The following RMP64 variants were observed in gnomAD, a reference collection of about 807,000 sequenced individuals.
The protein encoded by RMP64 is nucleolus and neural progenitor protein.
At chr3:113,015,227 A>T in the RMP64 span, among the ~76,000 whole-genome samples, 98 of 152,134 alleles carry the variant, frequency 6.4e-4, no homozygotes, top group South Asian at 0.013. Flanking sequence ...TACTTTTTTT[A>T]AAAAAAATTA....
chr3:113,011,182 A>C, the RMP64 span: 1 of 1,613,468 alleles, frequency 6.2e-7, no homozygotes, highest in African/African-American at 1.3e-5. Context: ...ATTTATTAAA[A>C]ACAGTTTATT....
chr3:113,004,685 C>T, the RMP64 span: 3 of 152,226 alleles, frequency 2.0e-5, no homozygotes, highest in South Asian at 6.2e-4. Flanking sequence ...CTCAGAGCAA[C>T]AGTACGAGCA....
chr3:113,011,295 G>A, the RMP64 span: 1 of 1,613,630 alleles, frequency 6.2e-7, no homozygotes, highest in Non-Finnish European at 8.5e-7. Context: ...CAGAAGGAAA[G>A]GTAAAATCTT....
At chr3:113,010,893 G>GT in the RMP64 span, 2 of 831,360 alleles carry the variant, frequency 2.4e-6, no homozygotes, top group South Asian at 3.7e-5. Context: ...GAAAGCACAG[G>GT]TATTACCATA....
the RMP64 span, chr3:113,010,414 T>C: frequency 5.9e-6 from 3 of 506,914 alleles, no homozygotes; most frequent in Non-Finnish European, 1.0e-5. Context: ...TTTAAAATTC[T>C]AGAGAAACTC....
the RMP64 span, chr3:113,008,512 A>C: frequency 1.6e-6 from 2 of 1,218,830 alleles, no homozygotes; most frequent in Non-Finnish European, 2.3e-6. Flanking sequence ...GCTAGCTCAC[A>C]ATCAAAATTT....
the RMP64 span, chr3:113,012,806 G>T: frequency 1.9e-6 from 3 of 1,593,018 alleles, no homozygotes; most frequent in Non-Finnish European, 8.6e-7. Flanking sequence ...ATGTTTCACA[G>T]TCAAACTGGA....
chr3:113,018,391 T>C, the RMP64 span, among the ~76,000 whole-genome samples: 3 of 152,106 alleles, frequency 2.0e-5, no homozygotes, highest in African/African-American at 7.2e-5. Flanking sequence ...GTTAAAGAAT[T>C]TTTGAATAGA....
chr3:113,012,628 C>T, the RMP64 span: 8 of 684,648 alleles, frequency 1.2e-5, no homozygotes, highest in South Asian at 1.4e-4. Context: ...AGAATACCTG[C>T]ACCTTCCATA....
the RMP64 span, chr3:113,017,739 A>C: frequency 1.4e-6 from 1 of 709,668 alleles, no homozygotes. Flanking sequence ...CTCAACTGTA[A>C]GAACGTAAGG....
chr3:113,015,981 G>A, the RMP64 span, among the ~76,000 whole-genome samples: 3 of 152,098 alleles, frequency 2.0e-5, no homozygotes, highest in Non-Finnish European at 2.9e-5. Context: ...GGATAGGAAG[G>A]CCTTTAACAG....
At chr3:113,016,868 A>G in the RMP64 span, among the ~76,000 whole-genome samples, 1 of 152,228 alleles carries the variant, frequency 6.6e-6, no homozygotes, top group African/African-American at 2.4e-5. Flanking sequence ...ATGAATGAGC[A>G]TATCAGGAAG....
chr3:113,012,997 C>T, the RMP64 span: 6 of 611,044 alleles, frequency 9.8e-6, no homozygotes, highest in African/African-American at 1.9e-5. Flanking sequence ...CTAGAGTTCC[C>T]ATTATTAAAT....
the RMP64 span, chr3:113,011,416 G>A: frequency 6.5e-7 from 1 of 1,542,598 alleles, no homozygotes; most frequent in Non-Finnish European, 8.7e-7. Context: ...CCTAGAGAAA[G>A]AAATAGGAGC....
At chr3:113,011,233 AT>A in the RMP64 span, 5 of 1,612,740 alleles carry the variant, frequency 3.1e-6, no homozygotes, top group East Asian at 2.2e-5. Context: ...AGCTATAGGC[AT>A]TTTTTTCTTA....
At chr3:113,003,439 A>AT in the RMP64 span, 63 of 152,142 alleles carry the variant, frequency 4.1e-4, no homozygotes, top group African/African-American at 1.4e-3. Flanking sequence ...TTTAGATTGC[A>AT]TTTTTTTAAA....
the RMP64 span, chr3:113,014,924 C>A: frequency 1.3e-5 from 2 of 152,108 alleles, no homozygotes; most frequent in African/African-American, 4.8e-5. Context: ...TTTGTCAATA[C>A]CTCCCTCAAA....
the RMP64 span, among the ~76,000 whole-genome samples, chr3:113,017,890 T>C: frequency 6.6e-6 from 1 of 152,188 alleles, no homozygotes; most frequent in Non-Finnish European, 1.5e-5. Context: ...TATGAATACT[T>C]TGCTGTCAGT....
At chr3:113,002,710 G>T in the RMP64 span, 1 of 155,842 alleles carries the variant, frequency 6.4e-6, no homozygotes, top group Non-Finnish European at 1.4e-5. Flanking sequence ...ATCTTAGAGG[G>T]CATTCCAGGA....
Sources: gnomAD v4.1 joint callset for allele counts (sites outside exome capture counted in the v4.1 genomes callset) on GRCh38, gnomAD v4.1.1 for gene constraint, MANE v1.5 for transcripts, NCBI Gene and HGNC (gene_info 2026-07-23, HGNC 2026-07-21) for gene names.